MDN1: variants seen among roughly 807,000 people sequenced by gnomAD.
The protein encoded by MDN1 is midasin.
In MDN1, 266 loss-of-function variants were observed where a neutral mutation model predicts 669.2. That is an observed-to-expected ratio of 0.40 (90% CI 0.36 to 0.44). The LOEUF (loss-of-function observed/expected upper bound fraction) is 0.44, where lower values mean the gene tolerates loss of function less well. Ranked by LOEUF, MDN1 falls within the 20% of genes least tolerant of loss-of-function variation. The pLI is 1.00. For synonymous variants in MDN1, 2,385 were observed against 2,457.1 expected, an observed-to-expected ratio of 0.97 and a Z score of 0.87; for missense variants, 5,940 against 6,754.0, an observed-to-expected ratio of 0.88 and a Z score of 4.22.
intron 1 of MDN1, 145 bp from the exon 2 acceptor site, chr6:89,803,699 A>AG: frequency 1.6e-6 from 1 of 636,946 alleles, no homozygotes. Context: ...CTCCTGCCCG[A>AG]GCCGCCCAAG....
At chr6:89,670,170 A>ATATTTTTTTTTTT (rs1444537561) in intron 83 of MDN1, among the ~76,000 whole-genome samples, 11 of 23,410 alleles carry the variant, frequency 4.7e-4, no homozygotes, top group African/African-American at 2.6e-3. Flanking sequence ...ATATATATAT[A>ATATTTTTTTTTTT]TTTTTTTTTT....
intron 23 of MDN1, among the ~76,000 whole-genome samples, chr6:89,750,904 A>G (rs1190937202): frequency 8.3e-6 from 1 of 119,970 alleles, no homozygotes; most frequent in East Asian, 2.5e-4. Context: ...CACCTGGCCA[A>G]GTATTATTTT....
chr6:89,699,340 G>C (rs969360127), intron 58 of MDN1, among the ~76,000 whole-genome samples: 1 of 152,040 alleles, frequency 6.6e-6, no homozygotes, highest in Non-Finnish European at 1.5e-5. Context: ...TTGAGCAATT[G>C]GGAGATTTTA....
rs373995031 is a variant in MDN1, at chr6:89,650,812, C to T, written c.15951G>A (p.Leu5317=). The T allele has an allele frequency of 6.2e-7, 1 of 1,614,132 alleles. No homozygotes were observed. ...GTTGTGAAAGAGGCGCTGTTAAGATCAGGTAACTCTGCCACATCTCAGCTG... is the reference window on the plus strand; with the variant it reads ...GTTGTGAAAGAGGCGCTGTTAAGATTAGGTAACTCTGCCACATCTCAGCTG... ...KVAAEMWQSY[L]ILTAPLSQRL... is the part of the protein sequence containing the mutation. The change falls in exon 96 of 102, where the codon CTG becomes CTA. Residue 5317 remains leucine (L), a synonymous_variant. Coordinates refer to ENST00000369393, the MANE Select transcript of MDN1 (RefSeq NM_014611.3).
At chr6:89,770,535 A>G (rs1186284935) in intron 15 of MDN1, among the ~76,000 whole-genome samples, 2 of 152,166 alleles carry the variant, frequency 1.3e-5, no homozygotes, top group African/African-American at 4.8e-5. Context: ...AGTAAAATAA[A>G]ACCAAGGTAG....
chr6:89,749,354 A>G lies in MDN1; in HGVS notation c.3631T>C (p.Phe1211Leu), dbSNP rs746314381. ...TGCAATTCCACAAACCGATTCCTGAAGGCTCTAGAAAGGACCTAGACAAAG... is the reference window on the plus strand; with the variant it reads ...TGCAATTCCACAAACCGATTCCTGAGGGCTCTAGAAAGGACCTAGACAAAG... Reference protein sequence around the residue: ...YGGRKVLSRAFRNRFVELHFD... With the variant: ...YGGRKVLSRALRNRFVELHFD... Residue 1211 changes from phenylalanine to leucine, a missense_variant, in exon 26 of 102, where the codon TTC becomes CTC. Physicochemically the swap from Phe to Leu is conservative, Grantham distance 22. Coordinates refer to ENST00000369393, the MANE Select transcript of MDN1 (RefSeq NM_014611.3). 1.2e-6 allele frequency: 2 copies of G among 1,614,164 alleles called. No homozygotes were observed. Among genetic ancestry groups the G allele is most frequent in the Non-Finnish European group, 1.7e-6 (2 of 1,180,016 alleles).
rs771966766 is a variant in MDN1 at position 89,672,617 on chromosome 6, C to G, written c.13560G>C (p.Gln4520His). The change falls in exon 81 of 102, where the codon CAG (glutamine) becomes CAC (histidine). Residue 4520 changes from glutamine to histidine, a missense_variant. Physicochemically the swap from Gln to His is conservative, Grantham distance 24. Coordinates refer to ENST00000369393, the MANE Select transcript of MDN1 (RefSeq NM_014611.3). ...IAIRAILCAI[Q>H]NLEERKNEKA... ...TTTCATTCTTTCTTTCTTCTAAGTTCTGGATGGCACAGAGGATGGCTCGGA... is the reference window on the plus strand; with the variant it reads ...TTTCATTCTTTCTTTCTTCTAAGTTGTGGATGGCACAGAGGATGGCTCGGA... 5 of 1,614,106 alleles carry G rather than the reference C, an allele frequency of 3.1e-6. No individual in the cohort carries two copies. The highest frequency in any genetic ancestry group is 4.2e-6 in the Non-Finnish European group (5 of 1,180,024).
chr6:89,766,890 T>C (rs985470840), intron 15 of MDN1, among the ~76,000 whole-genome samples: 5 of 152,226 alleles, frequency 3.3e-5, no homozygotes, highest in African/African-American at 1.2e-4. Flanking sequence ...GCTGCTTTAT[T>C]ACTATTTCTA....
In MDN1 at chr6:89,712,112, T is replaced by C; in HGVS notation, c.7575A>G (p.Glu2525=). 1 of 1,614,166 alleles carries C rather than the reference T, an allele frequency of 6.2e-7. No homozygotes were observed. The highest frequency in any genetic ancestry group is 8.5e-7 in the Non-Finnish European group (1 of 1,179,998). ...GCATCCAATCCTGATTGGTTGCTCT[T>C]TCTATGAGCAATTTAACAGCCATGA... is the stretch of plus-strand genomic sequence containing the variant. The part of the protein sequence containing the change: ...VLVMAVKLLI[E]RATNQDWMLR... Residue 2525 remains glutamate (E), a synonymous_variant, in exon 49 of 102, where the codon GAA becomes GAG. Coordinates refer to ENST00000369393, the MANE Select transcript of MDN1 (RefSeq NM_014611.3).
rs1262243034 is a variant in MDN1, at chr6:89,716,811, T to C, written c.6584-2A>G. On this transcript the variant is annotated splice_acceptor_variant, in intron 43 of 101. Transcript: ENST00000369393. LOFTEE classifies it high-confidence loss of function. ...ACTCTTCAACAAGTTTGGCAAACTC[T>C]GAAATGTCACAGGGAAGAATCACCA... 1 of 1,599,276 alleles carries C rather than the reference T, an allele frequency of 6.3e-7. No homozygotes were observed. Among genetic ancestry groups the C allele is most frequent in the Non-Finnish European group, 8.5e-7 (1 of 1,173,654 alleles).
At chr6:89,713,003 T>C (rs1418601101) in intron 47 of MDN1, 145 bp downstream of exon 47, 2 of 935,708 alleles carry the variant, frequency 2.1e-6, no homozygotes, top group Non-Finnish European at 3.1e-6. Flanking sequence ...TCCAGAAAAG[T>C]ACCTGGATAC....
In MDN1 at chr6:89,727,908, C is replaced by T. The variant is rs1418615488; in HGVS notation, c.5397G>A (p.Lys1799=). The part of the protein sequence containing the change: ...FGADLPVEGG[K]GGEFAWRDGP... Reference sequence around the variant, plus strand: ...CATCACGCCAGGCAAACTCTCCTCCCTTGCCACCTTCAACAGGTAGATCTG... The same window carrying T: ...CATCACGCCAGGCAAACTCTCCTCCTTTGCCACCTTCAACAGGTAGATCTG... Residue 1799 remains lysine, a synonymous_variant, in exon 37 of 102, where the codon AAG becomes AAA. Coordinates refer to ENST00000369393, the MANE Select transcript of MDN1 (RefSeq NM_014611.3). 1.2e-6 allele frequency: 2 copies of T among 1,613,898 alleles called. No individual in the cohort carries two copies. Among genetic ancestry groups the T allele is most frequent in the African/African-American group, 1.3e-5 (1 of 74,924 alleles).
intron 83 of MDN1, among the ~76,000 whole-genome samples, chr6:89,669,462 A>AG (rs1436658556): frequency 6.6e-6 from 1 of 152,178 alleles, no homozygotes; most frequent in Non-Finnish European, 1.5e-5. Context: ...ACAAGGCATT[A>AG]GGCTTGGCTT....
In MDN1 at chr6:89,771,069, C is replaced by T. The variant is rs1405142891; in HGVS notation, c.2144+492G>A. On this transcript the variant is annotated intron_variant, in intron 15 of 101. Coordinates refer to ENST00000369393, the MANE Select transcript of MDN1 (RefSeq NM_014611.3). ...GCAATGTCCCACCATAAATCTTATT[C>T]AAAGCACCATACACACTGATGGTGG... Among the ~76,000 whole-genome samples, 4 of 152,138 alleles carry T rather than the reference C, an allele frequency of 2.6e-5. No individual in the cohort carries two copies. In the East Asian group the frequency reaches 7.7e-4, roughly 29 times the overall value.
chr6:89,757,161 A>G (rs544219498), intron 19 of MDN1, among the ~76,000 whole-genome samples: 1 of 152,300 alleles, frequency 6.6e-6, no homozygotes, highest in East Asian at 1.9e-4. Context: ...AAAATTCAAA[A>G]TGAAGTAAAC....
rs573423991 is a variant in MDN1 at position 89,743,419 on chromosome 6, C to A, written c.4318-139G>T. On this transcript the variant is annotated intron_variant, in intron 30 of 101. Coordinates refer to ENST00000369393, the MANE Select transcript of MDN1 (RefSeq NM_014611.3). ...CTGAGAACAGGAGATAGAACTTGCA[C>A]ACCAGAATGCTTGTGAAGGCCCTTG... is the stretch of plus-strand genomic sequence containing the variant. 2.9e-6 allele frequency: 4 copies of A among 1,358,518 alleles called. No homozygotes were observed. In the Admixed American group the frequency reaches 8.6e-5, roughly 29 times the overall value. The allele number at this position is 1,358,518 out of a possible 1,614,324, so 84.2% of individuals were successfully genotyped here. A position where few individuals can be genotyped will look rare whatever the true frequency, so the allele number is the denominator to read the frequency against.
intron 1 of MDN1, among the ~76,000 whole-genome samples, chr6:89,806,007 A>G (rs1415327261): frequency 1.3e-5 from 2 of 152,018 alleles, no homozygotes; most frequent in Non-Finnish European, 2.9e-5. Flanking sequence ...GTAAAATCAC[A>G]GCTCACTGCA....
At position 89,650,143 on chromosome 6, in the gene MDN1, C is replaced by A. The variant is rs778547767; in HGVS notation, c.16087G>T (p.Ala5363Ser). 2 of 1,614,010 alleles carry A rather than the reference C, an allele frequency of 1.2e-6. No homozygotes were observed. Among genetic ancestry groups the A allele is most frequent in the African/African-American group, 2.7e-5 (2 of 74,910 alleles). Residue 5363 changes from alanine (A) to serine (S), a missense_variant, in exon 97 of 102, where the codon GCT becomes TCT. By Grantham distance (99) the Ala-to-Ser change is moderately conservative. This residue lies in a region of MDN1 where 2,280 missense variants were observed against 2,576.3 expected (regional missense o/e 0.88). Coordinates refer to ENST00000369393, the MANE Select transcript of MDN1 (RefSeq NM_014611.3). The stretch of plus-strand genomic sequence containing the variant: ...ATCTTGTCTTTCCGAAATTGACTAG[C>A]AATGTATGGAATGACTTTCCGTATG... ...LNIRKVIPYIASQFRKDKIWL... is the reference protein window; with the variant it reads ...LNIRKVIPYISSQFRKDKIWL...
intron 5 of MDN1, among the ~76,000 whole-genome samples, chr6:89,792,347 A>T (rs1819314159): frequency 6.6e-6 from 1 of 152,102 alleles, no homozygotes; most frequent in Non-Finnish European, 1.5e-5. Context: ...TCCTCTCATA[A>T]ATTTAGCAGG....
Sources: gnomAD v4.1 joint callset for allele counts (sites outside exome capture counted in the v4.1 genomes callset) on GRCh38, gnomAD v4.1.1 for gene constraint, gnomAD v4.1.1 regional missense constraint, MANE v1.5 for transcripts, NCBI Gene and HGNC (gene_info 2026-07-23, HGNC 2026-07-21) for gene names.